NELL2: variants seen among roughly 807,000 people sequenced by gnomAD.
The protein encoded by NELL2 is neural EGFL like 2, also known as protein kinase C-binding protein NELL2.
NELL2 carries 41 observed loss-of-function variants against 109.6 expected under a neutral mutation model. The ratio of observed to expected loss-of-function variants is 0.37; its 90% CI spans 0.29 to 0.49. The LOEUF (loss-of-function observed/expected upper bound fraction) is 0.49, where lower values mean the gene tolerates loss of function less well. Ranked by LOEUF, NELL2 falls within the 20% of genes least tolerant of loss-of-function variation. The pLI is 0.98. For missense variants in NELL2, 900 were observed against 1,008.3 expected, an observed-to-expected ratio of 0.89 and a Z score of 1.45; for synonymous variants, 355 against 344.7, an observed-to-expected ratio of 1.03 and a Z score of -0.33.
chr12:44,533,362 A>G (rs1253168143), intron 15 of NELL2, among the ~76,000 whole-genome samples: 1 of 152,090 alleles, frequency 6.6e-6, no homozygotes, highest in Non-Finnish European at 1.5e-5. Context: ...TCAAGTATAC[A>G]TATTATTTAT....
intron 9 of NELL2, among the ~76,000 whole-genome samples, chr12:44,733,817 T>C (rs1939499943): frequency 6.6e-6 from 1 of 151,938 alleles, no homozygotes; most frequent in Admixed American, 6.6e-5. Context: ...TATGGAATGT[T>C]CTAGCATCTA....
intron 13 of NELL2, among the ~76,000 whole-genome samples, chr12:44,632,867 T>G (rs1946505761): frequency 6.6e-6 from 1 of 152,168 alleles, no homozygotes; most frequent in South Asian, 2.1e-4. Context: ...TCTCTATCAT[T>G]TTTTTTCTGT....
At chr12:44,847,385 T>C (rs907899600) in intron 2 of NELL2, among the ~76,000 whole-genome samples, 1 of 152,220 alleles carries the variant, frequency 6.6e-6, no homozygotes, top group African/African-American at 2.4e-5. Flanking sequence ...TTAATATTTA[T>C]TGTTCAACTC....
At chr12:44,643,066 T>C (rs1342477829) in intron 13 of NELL2, among the ~76,000 whole-genome samples, 1 of 152,224 alleles carries the variant, frequency 6.6e-6, no homozygotes, top group Admixed American at 6.5e-5. Context: ...CATATACTTC[T>C]GATAAAAATG....
rs763507988 is a variant in NELL2, at chr12:44,875,896, T to C, written c.-27A>G. On this transcript the variant is annotated 5_prime_UTR_variant, in exon 1 of 20. Coordinates refer to ENST00000429094, the MANE Select transcript of NELL2 (RefSeq NM_001145108.2). ...GTGCGGATCAGCTCAGTCCATCGTCTCCCTCTTTAAAAATAAAAATAAAAA... is the reference window on the plus strand; with the variant it reads ...GTGCGGATCAGCTCAGTCCATCGTCCCCCTCTTTAAAAATAAAAATAAAAA... 6.2e-7 allele frequency: 1 copy of C among 1,613,734 alleles called. No individual in the cohort carries two copies. The highest frequency in any genetic ancestry group is 8.5e-7 in the Non-Finnish European group (1 of 1,180,004).
intron 13 of NELL2, among the ~76,000 whole-genome samples, chr12:44,663,518 C>G (rs1460817868): frequency 6.6e-6 from 1 of 152,158 alleles, no homozygotes; most frequent in Non-Finnish European, 1.5e-5. Context: ...ATAAAAAAAT[C>G]ATAGTCTGAA....
intron 15 of NELL2, among the ~76,000 whole-genome samples, chr12:44,581,131 T>TGA (rs1237372305): frequency 6.6e-6 from 1 of 152,116 alleles, no homozygotes; most frequent in African/African-American, 2.4e-5. Context: ...TTCAGGCCTT[T>TGA]CAGTGAATAA....
chr12:44,727,758 C>T (rs115689916), intron 9 of NELL2, among the ~76,000 whole-genome samples: 3,172 of 152,050 alleles, frequency 0.021, 105 homozygotes, highest in African/African-American at 0.07. Flanking sequence ...CTAAATGAAA[C>T]ATCGAGGTTA....
intron 2 of NELL2, among the ~76,000 whole-genome samples, chr12:44,852,090 T>C (rs1391374223): frequency 6.6e-6 from 1 of 152,220 alleles, no homozygotes; most frequent in Non-Finnish European, 1.5e-5. Context: ...GAATGAGTTC[T>C]CTCCATTTAA....
upstream of NELL2, among the ~76,000 whole-genome samples, chr12:44,878,198 G>C (rs1945370532): frequency 6.6e-6 from 1 of 152,092 alleles, no homozygotes; most frequent in Non-Finnish European, 1.5e-5. Context: ...GGTGGTTAAT[G>C]GGCTTATCTC....
chr12:44,676,393 C>A (rs1948318498), intron 12 of NELL2, among the ~76,000 whole-genome samples: 1 of 152,060 alleles, frequency 6.6e-6, no homozygotes, highest in African/African-American at 2.4e-5. Flanking sequence ...ATTAAAATAT[C>A]ATTTACAAAT....
At position 44,801,158 on chromosome 12, in the gene NELL2, AG is replaced by A. The variant is rs1160986603; in HGVS notation, c.335+14827del. Among the ~76,000 whole-genome samples, 6 of 152,192 alleles carry A rather than the reference AG, an allele frequency of 3.9e-5. 1 individual carries two copies. Among genetic ancestry groups the A allele is most frequent in the Admixed American group, 2.0e-4 (3 of 15,258 alleles). ...CAAAATGCTAGAAATCTTACTTTCA[AG>A]TTTTGCCATTAACTTTTTATGGAGA... On this transcript the variant is annotated intron_variant, in intron 3 of 19. Transcript: ENST00000429094.
chr12:44,771,851 G>C (rs990671447), intron 9 of NELL2, among the ~76,000 whole-genome samples: 1 of 152,188 alleles, frequency 6.6e-6, no homozygotes, highest in Non-Finnish European at 1.5e-5. Flanking sequence ...CCAGAAATGC[G>C]CAAACAACTC....
chr12:44,517,667 A>G (rs1416752217), intron 19 of NELL2, among the ~76,000 whole-genome samples: 1 of 152,022 alleles, frequency 6.6e-6, no homozygotes, highest in Non-Finnish European at 1.5e-5. Flanking sequence ...TAAAATTTTC[A>G]TATTATTTAA....
chr12:44,826,652 T>C (rs993894499), intron 2 of NELL2, among the ~76,000 whole-genome samples: 2 of 152,158 alleles, frequency 1.3e-5, no homozygotes, highest in Non-Finnish European at 2.9e-5. Flanking sequence ...ATGAGAAAAA[T>C]GGAACCACAG....
intron 13 of NELL2, among the ~76,000 whole-genome samples, chr12:44,614,268 T>C (rs1052611917): frequency 6.6e-6 from 1 of 152,052 alleles, no homozygotes; most frequent in Non-Finnish European, 1.5e-5. Flanking sequence ...GTTATTTTAA[T>C]CAGAATTTAA....
intron 13 of NELL2, among the ~76,000 whole-genome samples, chr12:44,622,447 T>C (rs1946094509): frequency 6.6e-6 from 1 of 152,154 alleles, no homozygotes; most frequent in African/African-American, 2.4e-5. Context: ...TAACCCCATA[T>C]GATCTATTCA....
At chr12:44,876,487 C>T, upstream of NELL2, 2 of 1,345,406 alleles carry the variant, frequency 1.5e-6, no homozygotes, top group East Asian at 2.7e-5. Flanking sequence ...AGCCCAGGAG[C>T]CGTTGCAGCC....
chr12:44,859,932 C>G (rs188153244), intron 2 of NELL2, among the ~76,000 whole-genome samples: 356 of 152,310 alleles, frequency 2.3e-3, no homozygotes, highest in Non-Finnish European at 3.6e-3. Flanking sequence ...ATAATTACAG[C>G]TACCACACTT....
Sources: gnomAD v4.1 joint callset for allele counts (sites outside exome capture counted in the v4.1 genomes callset) on GRCh38, gnomAD v4.1.1 for gene constraint, MANE v1.5 for transcripts, NCBI Gene and HGNC (gene_info 2026-07-23, HGNC 2026-07-21) for gene names.